The following EP300 variants were observed in gnomAD, a reference collection of about 807,000 sequenced individuals.
The protein encoded by EP300 is EP300 lysine acetyltransferase.
A neutral mutation model predicts 264.0 loss-of-function variants in EP300; 31 were observed. The observed-to-expected ratio is 0.12, with a 90% confidence interval of 0.09 to 0.16. The LOEUF is 0.16. Among genes scored for constraint, EP300 ranks in the 10% least tolerant of loss-of-function variants. The probability of loss-of-function intolerance (pLI) is 1.00; values close to 1 mark genes in which losing one functional copy is unlikely to be tolerated. For missense variants in EP300, 2,766 were observed against 3,052.9 expected, an observed-to-expected ratio of 0.91 and a Z score of 2.21; for synonymous variants, 1,340 against 1,045.4, an observed-to-expected ratio of 1.28 and a Z score of -5.44.
In EP300 at chr22:41,131,574, A is replaced by C; in HGVS notation, c.1469A>C (p.Asn490Thr). The C allele has an allele frequency of 6.2e-7, 1 of 1,614,118 alleles. No homozygotes were observed. The highest frequency in any genetic ancestry group is 8.5e-7 in the Non-Finnish European group (1 of 1,180,028). The change falls in exon 6 of 31, where the codon AAC becomes ACC. Residue 490 changes from asparagine (N) to threonine (T), a missense_variant. Coordinates refer to ENST00000263253, the MANE Select transcript of EP300 (RefSeq NM_001429.4). ...ACACAACCCCAGGTGCAAGCAAAGA[A>C]CCAGCAGAATCAGCAGCCTGGGCAG... The part of the protein sequence containing the change: ...MPTQPQVQAK[N>T]QQNQQPGQSP...
At chr22:41,158,676 A>T in intron 19 of EP300, 176 bp downstream of exon 19, 1 of 617,100 alleles carries the variant, frequency 1.6e-6, no homozygotes, top group Non-Finnish European at 2.9e-6. Flanking sequence ...AAAATTTTCT[A>T]TCAGAGTAGC....
chr22:41,124,176 C>G (rs1436388110), intron 2 of EP300, among the ~76,000 whole-genome samples: 2 of 152,226 alleles, frequency 1.3e-5, no homozygotes, highest in Non-Finnish European at 2.9e-5. Flanking sequence ...ACCCAGGAGG[C>G]AGAGGTTGCA....
At chr22:41,093,756 C>G (rs1339072229) in intron 1 of EP300, among the ~76,000 whole-genome samples, 1 of 152,150 alleles carries the variant, frequency 6.6e-6, no homozygotes, top group Non-Finnish European at 1.5e-5. Context: ...ACCAAAATGT[C>G]TGAAACTCTG....
intron 10 of EP300, among the ~76,000 whole-genome samples, chr22:41,143,609 TTTGTCACTCA>T (rs1042703382): frequency 1.6e-4 from 24 of 152,174 alleles, no homozygotes; most frequent in African/African-American, 5.3e-4. Flanking sequence ...ACAGTCTCTC[TTTGTCACTCA>T]GGCTGAAGTG....
intron 1 of EP300, among the ~76,000 whole-genome samples, chr22:41,097,083 C>T (rs888551491): frequency 6.6e-6 from 1 of 152,172 alleles, no homozygotes; most frequent in African/African-American, 2.4e-5. Flanking sequence ...TGGAGTCTTG[C>T]AGATATAGCT....
In EP300 at chr22:41,125,934, C is replaced by A. The variant is rs2145707681; in HGVS notation, c.800C>A (p.Ala267Asp). 6.2e-7 allele frequency: 1 copy of A among 1,614,092 alleles called. No homozygotes were observed. The highest frequency in any genetic ancestry group is 1.3e-5 in the African/African-American group (1 of 75,026). ...CAGAATCCTGGACAGCAGATTGGAG[C>A]CAGTGGCCTTGGTCTCCAGATTCAG... ...YTQNPGQQIG[A>D]SGLGLQIQTK... is the part of the protein sequence containing the mutation. The change falls in exon 3 of 31, where the codon GCC becomes GAC. Residue 267 changes from alanine (A) to aspartate (D), a missense_variant. Ala to Asp is a moderately radical substitution (Grantham distance 126). Transcript: ENST00000263253.
At chr22:41,106,529 CCACTCTT>C (rs1325260275) in intron 1 of EP300, among the ~76,000 whole-genome samples, 1 of 152,104 alleles carries the variant, frequency 6.6e-6, no homozygotes, top group Non-Finnish European at 1.5e-5. Flanking sequence ...TTAGGTTGTT[CCACTCTT>C]CATCTGTCAA....
intron 1 of EP300, among the ~76,000 whole-genome samples, 174 bp from the exon 2 acceptor site, chr22:41,117,013 C>G (rs760033687): frequency 6.6e-6 from 1 of 152,112 alleles, no homozygotes; most frequent in East Asian, 1.9e-4. Context: ...AAGCCAAGAT[C>G]GCGCACCACT....
chr22:41,142,889 A>G (rs1412853151), intron 10 of EP300, among the ~76,000 whole-genome samples: 1 of 152,130 alleles, frequency 6.6e-6, no homozygotes, highest in East Asian at 1.9e-4. Flanking sequence ...CTGTCTCAAA[A>G]AAAAAACAAG....
At chr22:41,130,100 G>A (rs2058908950) in intron 5 of EP300, 97 bp downstream of exon 5, 4 of 849,652 alleles carry the variant, frequency 4.7e-6, no homozygotes, top group East Asian at 5.2e-5. Flanking sequence ...GACCTGTGGT[G>A]TTGTACTATG....
At chr22:41,147,699 C>G in intron 11 of EP300, 138 bp from the exon 12 acceptor site, 1 of 659,884 alleles carries the variant, frequency 1.5e-6, no homozygotes, top group Admixed American at 2.2e-5. Flanking sequence ...GATTGCGCCA[C>G]TGCACTCCAG....
intron 12 of EP300, 152 bp from the exon 13 acceptor site, chr22:41,148,886 T>A: frequency 1.1e-6 from 1 of 947,650 alleles, no homozygotes; most frequent in Non-Finnish European, 1.6e-6. Context: ...ACAACTTTCT[T>A]CCTTCTCCTC....
At position 41,175,989 on chromosome 22, in the gene EP300, G is replaced by T. The variant is rs2059198133; in HGVS notation, c.4780-258G>T. 3.5e-5 allele frequency: 18 copies of T among 507,738 alleles called. No individual in the cohort carries two copies. In the South Asian group the frequency reaches 3.6e-4, roughly 10 times the overall value. The allele number at this position is 507,738 out of a possible 1,614,324, so 31.5% of individuals were successfully genotyped here. A position where few individuals can be genotyped will look rare whatever the true frequency, so the allele number is the denominator to read the frequency against. Reference sequence around the variant, plus strand: ...AATCCCAGCACTCTGGGAGGCTGAGGCAGGCAGATCACTTGAGCTTAGGAG... The same window carrying T: ...AATCCCAGCACTCTGGGAGGCTGAGTCAGGCAGATCACTTGAGCTTAGGAG... On this transcript the variant is annotated intron_variant, in intron 29 of 30. Transcript: ENST00000263253.
chr22:41,109,261 A>AC, intron 1 of EP300, among the ~76,000 whole-genome samples: 1 of 151,224 alleles, frequency 6.6e-6, no homozygotes, highest in East Asian at 1.9e-4. Flanking sequence ...CTCAAAAAAA[A>AC]AAAAAAACAA....
chr22:41,148,307 C>G lies in EP300; in HGVS notation c.2241+361C>G, dbSNP rs549572437. Among the ~76,000 whole-genome samples, 10 of 152,290 alleles carry G rather than the reference C, an allele frequency of 6.6e-5. No individual in the cohort carries two copies. In the East Asian group the frequency reaches 1.9e-3, roughly 29 times the overall value. On this transcript the variant is annotated intron_variant, in intron 12 of 30. Coordinates refer to ENST00000263253, the MANE Select transcript of EP300 (RefSeq NM_001429.4). ...GCTTCTCCTGCTCCTTATGCGAACT[C>G]TTAACCAGTCCATCTCTCTACCTTG...
chr22:41,140,036 G>A lies in EP300; in HGVS notation c.1761-104G>A, dbSNP rs189449174. ...TTCAGTAAGTAATATATATCACCTTGCCATTATTTTTTCTTTTCCTCTATG... is the reference window on the plus strand; with the variant it reads ...TTCAGTAAGTAATATATATCACCTTACCATTATTTTTTCTTTTCCTCTATG... On this transcript the variant is annotated intron_variant, in intron 8 of 30. Coordinates refer to ENST00000263253, the MANE Select transcript of EP300 (RefSeq NM_001429.4). 4.9e-6 allele frequency: 4 copies of A among 815,214 alleles called. No individual in the cohort carries two copies. In the Admixed American group the frequency reaches 7.1e-5, roughly 15 times the overall value. The allele number at this position is 815,214 out of a possible 1,614,324, so 50.5% of individuals were successfully genotyped here. A position where few individuals can be genotyped will look rare whatever the true frequency, so the allele number is the denominator to read the frequency against.
At position 41,092,988 on chromosome 22, in the gene EP300, C is replaced by T. The variant is rs777586764; in HGVS notation, c.-17C>T. ...GGATTCTGGTTTTCCTCGCTTGTAT[C>T]TCCGAAAGAATTAAAAATGGCCGAG... On this transcript the variant is annotated 5_prime_UTR_variant, in exon 1 of 31. Transcript: ENST00000263253. 139 of 1,613,886 alleles carry T rather than the reference C, an allele frequency of 8.6e-5. No homozygotes were observed. Among genetic ancestry groups the T allele is most frequent in the Non-Finnish European group, 1.1e-4 (133 of 1,179,886 alleles).
intron 22 of EP300, among the ~76,000 whole-genome samples, chr22:41,165,702 A>G (rs376743592): frequency 4.8e-4 from 73 of 151,248 alleles, no homozygotes; most frequent in African/African-American, 1.7e-3. Context: ...GGATTACAGC[A>G]TGAGCCACTG....
chr22:41,095,921 C>T (rs1162706445), intron 1 of EP300, among the ~76,000 whole-genome samples: 1 of 152,156 alleles, frequency 6.6e-6, no homozygotes, highest in Non-Finnish European at 1.5e-5. Flanking sequence ...ATCTCAACCT[C>T]TGAATTGCTG....
Sources: gnomAD v4.1 joint callset for allele counts (sites outside exome capture counted in the v4.1 genomes callset) on GRCh38, gnomAD v4.1.1 for gene constraint, MANE v1.5 for transcripts, NCBI Gene and HGNC (gene_info 2026-07-23, HGNC 2026-07-21) for gene names.